The following IMMP2L variants were observed in gnomAD, a reference collection of about 807,000 sequenced individuals.
IMMP2L encodes the protein mitochondrial inner membrane protease subunit 2.
In IMMP2L, 18 loss-of-function variants were observed where a neutral mutation model predicts 19.3. The ratio of observed to expected loss-of-function variants is 0.93; its 90% CI spans 0.64 to 1.38. The LOEUF is 1.38. Ranked by LOEUF, IMMP2L falls within the 40% of genes most tolerant of loss-of-function variation. The pLI, the probability that IMMP2L is intolerant of heterozygous loss-of-function variation, is 0.00. For synonymous variants in IMMP2L, 76 were observed against 73.0 expected, an observed-to-expected ratio of 1.04 and a Z score of -0.21; for missense variants, 233 against 218.2, an observed-to-expected ratio of 1.07 and a Z score of -0.43.
chr7:111,216,596 T>C (rs1381588880), intron 3 of IMMP2L, among the ~76,000 whole-genome samples: 1 of 152,082 alleles, frequency 6.6e-6, no homozygotes, highest in Admixed American at 6.5e-5. Flanking sequence ...CTATTATTAA[T>C]TATATTCACC....
chr7:110,814,478 T>C (rs918084586), intron 5 of IMMP2L, among the ~76,000 whole-genome samples: 5 of 150,904 alleles, frequency 3.3e-5, no homozygotes, highest in African/African-American at 1.2e-4. Flanking sequence ...GTATTAATTA[T>C]TAATAATAGG....
intron 2 of IMMP2L, among the ~76,000 whole-genome samples, chr7:111,495,147 T>C (rs1299954359): frequency 1.3e-5 from 2 of 152,136 alleles, no homozygotes; most frequent in Non-Finnish European, 1.5e-5. Flanking sequence ...CATACAGATA[T>C]ATATAAAAAC....
chr7:111,041,721 G>A (rs570248251), intron 3 of IMMP2L, among the ~76,000 whole-genome samples: 10 of 152,102 alleles, frequency 6.6e-5, no homozygotes, highest in South Asian at 4.1e-4. Flanking sequence ...AGGTGCACAT[G>A]ATTCTGATTT....
intron 3 of IMMP2L, among the ~76,000 whole-genome samples, chr7:111,444,726 C>G (rs1308812369): frequency 3.3e-5 from 5 of 151,972 alleles, no homozygotes; most frequent in Admixed American, 3.3e-4. Flanking sequence ...ACACTGTTAA[C>G]CCTGATGATA....
At chr7:110,823,257 T>C (rs1005273653) in intron 5 of IMMP2L, among the ~76,000 whole-genome samples, 1 of 152,048 alleles carries the variant, frequency 6.6e-6, no homozygotes, top group Non-Finnish European at 1.5e-5. Flanking sequence ...TTATTTCTGT[T>C]CTTCCAGAAA....
At chr7:111,006,639 T>C (rs982398263) in intron 3 of IMMP2L, among the ~76,000 whole-genome samples, 3 of 152,178 alleles carry the variant, frequency 2.0e-5, no homozygotes, top group Non-Finnish European at 2.9e-5. Context: ...CTTGCTAACA[T>C]CAAGCTGCTG....
chr7:111,503,907 G>T (rs1487269474), intron 2 of IMMP2L, among the ~76,000 whole-genome samples: 1 of 152,034 alleles, frequency 6.6e-6, no homozygotes, highest in Non-Finnish European at 1.5e-5. Flanking sequence ...TTGAAAACTG[G>T]CACAAGACAG....
intron 2 of IMMP2L, among the ~76,000 whole-genome samples, chr7:111,513,896 C>T (rs563206951): frequency 1.3e-5 from 2 of 151,690 alleles, no homozygotes; most frequent in Non-Finnish European, 2.9e-5. Flanking sequence ...TGTGGATGAA[C>T]CTAGAGAACA....
At chr7:111,273,653 C>T (rs955866501) in intron 3 of IMMP2L, among the ~76,000 whole-genome samples, 3 of 152,074 alleles carry the variant, frequency 2.0e-5, no homozygotes, top group Admixed American at 6.6e-5. Flanking sequence ...GATGAAGGAA[C>T]ACTTCCCGAG....
At chr7:111,371,252 G>A (rs939678182) in intron 3 of IMMP2L, among the ~76,000 whole-genome samples, 7 of 151,872 alleles carry the variant, frequency 4.6e-5, no homozygotes, top group African/African-American at 1.2e-4. Context: ...CCATTCTCTC[G>A]TGGTGATGTC....
At chr7:111,053,210 C>T (rs898487474) in intron 3 of IMMP2L, among the ~76,000 whole-genome samples, 3 of 152,162 alleles carry the variant, frequency 2.0e-5, no homozygotes, top group African/African-American at 7.2e-5. Flanking sequence ...ATGATTTGAC[C>T]TTTTGACTTG....
intron 3 of IMMP2L, among the ~76,000 whole-genome samples, chr7:111,161,707 G>C (rs371293891): frequency 2.0e-5 from 3 of 151,954 alleles, no homozygotes; most frequent in African/African-American, 7.2e-5. Context: ...CAAGTGTATT[G>C]TATGGAGTAA....
chr7:111,266,610 G>C (rs994136215), intron 3 of IMMP2L, among the ~76,000 whole-genome samples: 1 of 151,030 alleles, frequency 6.6e-6, no homozygotes, highest in Non-Finnish European at 1.5e-5. Context: ...CATCAGTTTA[G>C]GCAAGTTACT....
At chr7:111,440,020 C>A (rs527707780) in intron 3 of IMMP2L, among the ~76,000 whole-genome samples, 2 of 151,892 alleles carry the variant, frequency 1.3e-5, no homozygotes, top group African/African-American at 4.9e-5. Flanking sequence ...AGATTTATCA[C>A]AAGATTGTAG....
intron 3 of IMMP2L, among the ~76,000 whole-genome samples, chr7:111,445,832 G>A (rs527662835): frequency 2.6e-5 from 4 of 152,284 alleles, no homozygotes; most frequent in East Asian, 3.9e-4. Context: ...GACAGTGGGC[G>A]CAGGCCAGTG....
intron 3 of IMMP2L, among the ~76,000 whole-genome samples, chr7:111,446,939 C>A (rs1267348342): frequency 6.7e-6 from 1 of 149,572 alleles, no homozygotes; most frequent in African/African-American, 2.5e-5. Context: ...ATGCGATCAA[C>A]TGGAAGAAAG....
At chr7:111,034,220 T>C (rs1436992262) in intron 3 of IMMP2L, among the ~76,000 whole-genome samples, 1 of 151,918 alleles carries the variant, frequency 6.6e-6, no homozygotes, top group Non-Finnish European at 1.5e-5. Flanking sequence ...TGACACAAGG[T>C]TGTATAAAGG....
rs959420501 is a variant in IMMP2L at position 110,731,781 on chromosome 7, G to A, written c.409-68060C>T. Reference sequence around the variant, plus strand: ...TGAGATTATAAAGCCTGTTTTCTCCGTTGACTTCAGGATGAAGTCGATAAA... The same window carrying A: ...TGAGATTATAAAGCCTGTTTTCTCCATTGACTTCAGGATGAAGTCGATAAA... On this transcript the variant is annotated intron_variant, in intron 5 of 5. Coordinates refer to ENST00000405709, the MANE Select transcript of IMMP2L (RefSeq NM_032549.4). Among the ~76,000 whole-genome samples, 8 of 152,124 alleles carry A rather than the reference G, an allele frequency of 5.3e-5. No homozygotes were observed. The South Asian group carries it at 8.3e-4, about 16-fold the overall frequency.
At chr7:110,844,178 A>G (rs746843094) in intron 5 of IMMP2L, among the ~76,000 whole-genome samples, 5 of 152,308 alleles carry the variant, frequency 3.3e-5, no homozygotes, top group Middle Eastern at 3.4e-3. Flanking sequence ...TTCGACATCT[A>G]TTATTTGCCA....
Sources: gnomAD v4.1 joint callset for allele counts (sites outside exome capture counted in the v4.1 genomes callset) on GRCh38, gnomAD v4.1.1 for gene constraint, MANE v1.5 for transcripts, NCBI Gene and HGNC (gene_info 2026-07-23, HGNC 2026-07-21) for gene names.